ECT2L: variants seen among roughly 807,000 people sequenced by gnomAD.
The protein encoded by ECT2L is epithelial cell-transforming sequence 2 oncogene-like.
Under a neutral mutation model 122.8 loss-of-function variants are expected in ECT2L, and 126 were observed. The observed-to-expected ratio is 1.03, with a 90% CI of 0.89 to 1.19. The LOEUF (loss-of-function observed/expected upper bound fraction) is 1.19, where lower values mean the gene tolerates loss of function less well. Ranked by LOEUF, ECT2L falls within the 50% of genes most tolerant of loss-of-function variation. The pLI, the probability that ECT2L is intolerant of heterozygous loss-of-function variation, is 0.00. For synonymous variants in ECT2L, 385 were observed against 381.8 expected (o/e 1.01, Z -0.10); for missense variants, 1,012 against 1,064.1 (o/e 0.95, Z 0.68).
chr6:138,823,642 A>G lies in ECT2L; in HGVS notation c.179+9039A>G. On this transcript the variant is annotated intron_variant, in intron 4 of 21. Coordinates refer to ENST00000541398, the MANE Select transcript of ECT2L (RefSeq NM_001077706.3). ...ATTGCACTCTTTCACAGCTGCCTCA[A>G]CCCAATCCTTTATGTTTTTATGGGA... 1.3e-5 allele frequency: 19 copies of G among 1,422,924 alleles called. 3 individuals are homozygous for G. Among genetic ancestry groups the G allele is most frequent in the Non-Finnish European group, 1.6e-5 (17 of 1,051,056 alleles). The allele number at this position is 1,422,924 out of a possible 1,614,324, so 88.1% of individuals were successfully genotyped here. A position where few individuals can be genotyped will look rare whatever the true frequency, so the allele number is the denominator to read the frequency against.
At chr6:138,824,029 G>T (rs990715758) in intron 4 of ECT2L, among the ~76,000 whole-genome samples, 4 of 149,656 alleles carry the variant, frequency 2.7e-5, no homozygotes, top group African/African-American at 9.9e-5. Flanking sequence ...ATTGTAACAG[G>T]CATAAGTGAA....
intron 1 of ECT2L, among the ~76,000 whole-genome samples, chr6:138,805,282 C>T: frequency 6.6e-6 from 1 of 152,168 alleles, no homozygotes; most frequent in East Asian, 1.9e-4. Context: ...TGTGCATCTT[C>T]TTGGTGATAT....
chr6:138,896,092 AT>A lies in ECT2L; in HGVS notation c.2415-4841del, dbSNP rs74686619. Among the ~76,000 whole-genome samples, 255 of 139,644 alleles carry A rather than the reference AT, an allele frequency of 1.8e-3. 2 individuals are homozygous for A. Among genetic ancestry groups the A allele is most frequent in the East Asian group, 8.3e-3 (39 of 4,720 alleles). 91.6% of individuals were successfully genotyped at this position (139,644 alleles called of 152,430 possible). ...CATAAACACTGATTTTCATTGCTGAATTTTTTTTTTTTTTTCCTTAATGAGA... is the reference window on the plus strand; with the variant it reads ...CATAAACACTGATTTTCATTGCTGAATTTTTTTTTTTTTTCCTTAATGAGA... On this transcript the variant is annotated intron_variant, in intron 20 of 21. Transcript: ENST00000541398.
rs573105589 is a variant in ECT2L at position 138,816,187 on chromosome 6, C to T, written c.179+1584C>T. ...TCACATTTATAACCACTTTGTGCATCATGTTCTAGGCTCACGTATCATAAA... is the reference window on the plus strand; with the variant it reads ...TCACATTTATAACCACTTTGTGCATTATGTTCTAGGCTCACGTATCATAAA... On this transcript the variant is annotated intron_variant, in intron 4 of 21. Transcript: ENST00000541398. Among the ~76,000 whole-genome samples, 12 of 152,308 alleles carry T rather than the reference C, an allele frequency of 7.9e-5. No homozygotes were observed. In the South Asian group the frequency reaches 2.3e-3, roughly 29 times the overall value.
intron 14 of ECT2L, 88 bp from the exon 15 acceptor site, chr6:138,880,869 C>G: frequency 8.5e-7 from 1 of 1,171,532 alleles, no homozygotes; most frequent in Non-Finnish European, 1.2e-6. Context: ...CAGCACAAAC[C>G]AGCAAGGGGG....
rs538277328 is a variant in ECT2L, at chr6:138,844,112, G to A, written c.596-300G>A. On this transcript the variant is annotated intron_variant, in intron 6 of 21. Coordinates refer to ENST00000541398, the MANE Select transcript of ECT2L (RefSeq NM_001077706.3). ...GTGACAAATAAGAAATTGCTTGAAGGCAAGAAGAAGGGCACAAATGAATGT... is the reference window on the plus strand; with the variant it reads ...GTGACAAATAAGAAATTGCTTGAAGACAAGAAGAAGGGCACAAATGAATGT... Among the ~76,000 whole-genome samples, 4 of 152,288 alleles carry A rather than the reference G, an allele frequency of 2.6e-5. 1 individual carries two copies. In the South Asian group the frequency reaches 8.3e-4, roughly 32 times the overall value.
chr6:138,809,675 C>T (rs1775826802), intron 1 of ECT2L, among the ~76,000 whole-genome samples: 1 of 151,976 alleles, frequency 6.6e-6, no homozygotes, highest in South Asian at 2.1e-4. Context: ...TGGTAATATG[C>T]TTGTAATATT....
chr6:138,855,487 C>A (rs760984475), intron 10 of ECT2L, among the ~76,000 whole-genome samples: 1 of 151,286 alleles, frequency 6.6e-6, no homozygotes, highest in African/African-American at 2.4e-5. Context: ...CCAGCCTGGG[C>A]GACAGAGTGA....
chr6:138,873,894 G>GTGTGTGTGTGTATA (rs1554276999), intron 13 of ECT2L, among the ~76,000 whole-genome samples: 3 of 145,816 alleles, frequency 2.1e-5, no homozygotes, highest in African/African-American at 7.7e-5. Context: ...GTGTGTGTGT[G>GTGTGTGTGTGTATA]TGTGTGTGTG....
At chr6:138,871,997 G>T (rs1215726787) in intron 13 of ECT2L, among the ~76,000 whole-genome samples, 2 of 150,328 alleles carry the variant, frequency 1.3e-5, no homozygotes, top group African/African-American at 2.5e-5. Context: ...TTTTTGAGAT[G>T]GGGCCTCGCT....
intron 1 of ECT2L, among the ~76,000 whole-genome samples, chr6:138,811,746 C>A (rs906838346): frequency 3.9e-5 from 6 of 152,196 alleles, no homozygotes; most frequent in African/African-American, 1.4e-4. Flanking sequence ...GTGGCGCGAT[C>A]ATGGCTCACT....
chr6:138,860,707 A>AT (rs35611410), intron 10 of ECT2L, among the ~76,000 whole-genome samples: 30,089 of 135,618 alleles, frequency 0.22, 3,240 homozygotes, highest in Non-Finnish European at 0.25. Context: ...TGAAGGGGCT[A>AT]TTTTTTTTTT....
rs1775353966 is a variant in ECT2L, at chr6:138,796,630, ATACAAAAAATC to A, written c.-244+442_-244+452del. On this transcript the variant is annotated intron_variant, in intron 1 of 21. Coordinates refer to ENST00000541398, the MANE Select transcript of ECT2L (RefSeq NM_001077706.3). Reference sequence around the variant, plus strand: ...GCTGGGTTGGGGGAATGAGGGAGGAATACAAAAAATCTACTGTGAATATAGGTCTTGGTTAT... The same window carrying A: ...GCTGGGTTGGGGGAATGAGGGAGGAATACTGTGAATATAGGTCTTGGTTAT... Among the ~76,000 whole-genome samples the A allele has an allele frequency of 2.0e-5, 3 of 152,196 alleles. No individual in the cohort carries two copies. The South Asian group carries it at 6.2e-4, about 32-fold the overall frequency.
chr6:138,885,918 T>C (rs982737214), intron 18 of ECT2L, 88 bp downstream of exon 18: 4 of 1,342,256 alleles, frequency 3.0e-6, no homozygotes, highest in Non-Finnish European at 4.1e-6. Flanking sequence ...ACACCTTATC[T>C]TCTTGTGGGG....
intron 9 of ECT2L, among the ~76,000 whole-genome samples, chr6:138,851,629 T>A (rs918919615): frequency 6.6e-6 from 1 of 152,100 alleles, no homozygotes; most frequent in African/African-American, 2.4e-5. Context: ...TTCAGAGAAA[T>A]GTCTATTCAA....
At chr6:138,846,723 T>C (rs780281732) in intron 8 of ECT2L, 46 bp downstream of exon 8, 1 of 1,414,892 alleles carries the variant, frequency 7.1e-7, no homozygotes, top group Non-Finnish European at 9.3e-7. Context: ...GTTTTTTTGT[T>C]TTTTGTTTTT....
chr6:138,844,795 C>CTTTTTT (rs11398299), intron 7 of ECT2L, among the ~76,000 whole-genome samples: 5 of 126,652 alleles, frequency 3.9e-5, no homozygotes, highest in East Asian at 2.3e-4. Flanking sequence ...TTTAAATGTT[C>CTTTTTT]TTTTTTTTTT....
chr6:138,877,456 C>T (rs73778429), intron 14 of ECT2L, among the ~76,000 whole-genome samples: 7,718 of 152,066 alleles, frequency 0.051, 244 homozygotes, highest in Middle Eastern at 0.11. Context: ...ACAATGAAAA[C>T]CTTAGTTCAA....
chr6:138,892,292 A>C (rs1208692672), intron 20 of ECT2L, among the ~76,000 whole-genome samples: 1 of 152,042 alleles, frequency 6.6e-6, no homozygotes, highest in Non-Finnish European at 1.5e-5. Flanking sequence ...TTCTGGTATT[A>C]TCTTTTCTTT....
Sources: allele counts gnomAD v4.1 joint callset (sites outside exome capture counted in the v4.1 genomes callset), GRCh38; gene constraint gnomAD v4.1.1; transcripts MANE v1.5; gene names NCBI Gene and HGNC (gene_info 2026-07-23, HGNC 2026-07-21).